Variants in DNAJC10 observed in about 807,000 individuals in gnomAD.
DNAJC10 encodes DnaJ heat shock protein family (Hsp40) member C10.
DNAJC10 carries 101 observed loss-of-function variants against 115.0 expected under a neutral mutation model. The observed-to-expected ratio is 0.88, with a 90% CI of 0.75 to 1.04. DNAJC10 has a LOEUF of 1.04. Among genes scored for constraint, DNAJC10 ranks in the 50% least tolerant of loss-of-function variants. DNAJC10 has a pLI of 0.00. For missense variants in DNAJC10, 981 were observed against 928.8 expected, an observed-to-expected ratio of 1.06 and a Z score of -0.73; for synonymous variants, 307 against 301.5, an observed-to-expected ratio of 1.02 and a Z score of -0.19.
chr2:182,728,985 G>A lies in DNAJC10; in HGVS notation c.624G>A (p.Arg208=), dbSNP rs1006872555. ...GCTATCCCAGCCTCTTCATTTTTCG[G>A]TCTGGAATGGTAAGGGATAAAGTTA... ...VNSYPSLFIF[R]SGMAPVKYHG... The change falls in exon 7 of 24, where the codon CGG becomes CGA. Residue 208 remains arginine (R), a synonymous_variant. Transcript: ENST00000264065. 1.2e-6 allele frequency: 2 copies of A among 1,613,980 alleles called. No individual in the cohort carries two copies. Among genetic ancestry groups the A allele is most frequent in the South Asian group, 2.2e-5 (2 of 91,084 alleles).
Position 182,756,466 on chromosome 2 carries a change from C to T in DNAJC10, c.1806C>T (p.Ala602=). ...QVLMPEWKRM[A]RTLTGLINVG... is the part of the protein sequence containing the mutation. ...TAATGCCAGAATGGAAAAGAATGGC[C>T]CGGGTATAGTAAAAATAGTTTATTT... Residue 602 remains alanine, a synonymous_variant, in exon 18 of 24, where the codon GCC becomes GCT. Coordinates refer to ENST00000264065, the MANE Select transcript of DNAJC10 (RefSeq NM_018981.4). 6.2e-7 allele frequency: 1 copy of T among 1,607,526 alleles called. No homozygotes were observed. The highest frequency in any genetic ancestry group is 8.5e-7 in the Non-Finnish European group (1 of 1,178,088).
Position 182,791,343 on chromosome 2 carries a change from C to T in DNAJC10, c.*14211C>T, listed in dbSNP as rs1023006538. 3 of 152,134 alleles carry T rather than the reference C, an allele frequency of 2.0e-5. No homozygotes were observed. The allele number at this position is 152,134 out of a possible 1,614,324, so 9.4% of individuals were successfully genotyped here. The stretch of plus-strand genomic sequence containing the variant: ...TTAAAAATTAAGAGAGATATGTATT[C>T]AGGTGGCCATTTATACACAATATTT... On this transcript the variant is annotated 3_prime_UTR_variant, in exon 24 of 24. Coordinates refer to ENST00000264065, the MANE Select transcript of DNAJC10 (RefSeq NM_018981.4).
chr2:182,767,888 T>C (rs1278601386), intron 22 of DNAJC10, among the ~76,000 whole-genome samples: 1 of 152,108 alleles, frequency 6.6e-6, no homozygotes, highest in African/African-American at 2.4e-5. Context: ...CCGTATCCTG[T>C]TTTTAGGGTC....
Position 182,787,276 on chromosome 2 carries a change from A to G in DNAJC10, c.*10144A>G, listed in dbSNP as rs750894601. ...CCCCATACTGATTCAGACTCCAGCA[A>G]GGTGCACATCACCCGCTAGTCATTG... On this transcript the variant is annotated 3_prime_UTR_variant, in exon 24 of 24. Transcript: ENST00000264065. 1.3e-5 allele frequency: 2 copies of G among 152,234 alleles called. No homozygotes were observed. Among genetic ancestry groups the G allele is most frequent in the Non-Finnish European group, 2.9e-5 (2 of 68,058 alleles). 9.4% of individuals were successfully genotyped at this position (152,234 alleles called of 1,614,324 possible).
intron 14 of DNAJC10, among the ~76,000 whole-genome samples, chr2:182,751,130 C>CTTTTTTTTTTTTTT (rs773393648): frequency 1.2e-5 from 1 of 85,180 alleles, no homozygotes; most frequent in Non-Finnish European, 2.1e-5. Flanking sequence ...GAGATTTTGA[C>CTTTTTTTTTTTTTT]TTTTTTTTTT....
At position 182,792,956 on chromosome 2, in the gene DNAJC10, G is replaced by A. The variant is rs1339605759; in HGVS notation, c.*15824G>A. ...TGTTAAGTATGTTAGAAGTATGTTA[G>A]AAGATGTGCTGTGAAATAAAGAAAA... On this transcript the variant is annotated 3_prime_UTR_variant, in exon 24 of 24. Coordinates refer to ENST00000264065, the MANE Select transcript of DNAJC10 (RefSeq NM_018981.4). The A allele has an allele frequency of 6.6e-6, 1 of 152,216 alleles. No individual in the cohort carries two copies. The highest frequency in any genetic ancestry group is 1.5e-5 in the Non-Finnish European group (1 of 68,046). 9.4% of individuals were successfully genotyped at this position (152,216 alleles called of 1,614,324 possible). A position where few individuals can be genotyped will look rare whatever the true frequency, so the allele number is the denominator to read the frequency against.
chr2:182,776,937 A>T (rs1694721889), intron 23 of DNAJC10, among the ~76,000 whole-genome samples, 184 bp from the exon 24 acceptor site: 1 of 152,210 alleles, frequency 6.6e-6, no homozygotes, highest in African/African-American at 2.4e-5. Flanking sequence ...GGTAAGAACT[A>T]GGATATTCTT....
At chr2:182,752,257 TA>T in intron 16 of DNAJC10, 69 bp downstream of exon 16, 2 of 704,244 alleles carry the variant, frequency 2.8e-6, no homozygotes, top group Non-Finnish European at 4.4e-6. Context: ...TGTTTATTAT[TA>T]AAACATTAAA....
intron 19 of DNAJC10, among the ~76,000 whole-genome samples, chr2:182,758,497 A>T (rs572181512): frequency 1.4e-3 from 217 of 152,322 alleles, no homozygotes; most frequent in Non-Finnish European, 2.7e-3. Flanking sequence ...GTCTTTAAAA[A>T]TGGGTAGGAA....
rs763055011 is a variant in DNAJC10 at position 182,740,281 on chromosome 2, G to A, written c.988-18G>A. ...AATATTTATTCAAAAAGATTACAAT[G>A]TGATTTTCTTTTTCTAGTTTCTCAA... On this transcript the variant is annotated intron_variant, in intron 11 of 23. Transcript: ENST00000264065. 2.9e-6 allele frequency: 4 copies of A among 1,360,848 alleles called. No homozygotes were observed. Among genetic ancestry groups the A allele is most frequent in the South Asian group, 3.1e-5 (2 of 64,736 alleles). The allele number at this position is 1,360,848 out of a possible 1,614,324, so 84.3% of individuals were successfully genotyped here.
In DNAJC10 at chr2:182,756,449, G is replaced by A; in HGVS notation, c.1789G>A (p.Glu597Lys). 6.2e-7 allele frequency: 1 copy of A among 1,613,530 alleles called. No homozygotes were observed. The highest frequency in any genetic ancestry group is 1.3e-5 in the African/African-American group (1 of 75,006). The change falls in exon 18 of 24, where the codon GAA becomes AAA. Residue 597 changes from glutamate (E) to lysine (K), a missense_variant. Coordinates refer to ENST00000264065, the MANE Select transcript of DNAJC10 (RefSeq NM_018981.4). ...TCATCCTTGCCAAGTCTTAATGCCA[G>A]AATGGAAAAGAATGGCCCGGGTATA... Reference protein sequence around the residue: ...WCHPCQVLMPEWKRMARTLTG... With the variant: ...WCHPCQVLMPKWKRMARTLTG...
chr2:182,760,680 G>A (rs375392585), intron 21 of DNAJC10, among the ~76,000 whole-genome samples: 7 of 152,136 alleles, frequency 4.6e-5, no homozygotes, highest in Admixed American at 1.3e-4. Flanking sequence ...TCCATAACTC[G>A]AGGAACTCTT....
chr2:182,734,304 G>T (rs933217003), intron 10 of DNAJC10, among the ~76,000 whole-genome samples: 1 of 151,164 alleles, frequency 6.6e-6, no homozygotes, highest in Non-Finnish European at 1.5e-5. Flanking sequence ...TTGATTATCA[G>T]TTTAAAATAT....
At chr2:182,763,524 C>A (rs755581043) in intron 22 of DNAJC10, among the ~76,000 whole-genome samples, 1 of 152,056 alleles carries the variant, frequency 6.6e-6, no homozygotes, top group African/African-American at 2.4e-5. Context: ...GAGGTCCAGT[C>A]GTGAGACACC....
At chr2:182,723,853 T>A (rs1178652857) in intron 5 of DNAJC10, among the ~76,000 whole-genome samples, 1 of 152,194 alleles carries the variant, frequency 6.6e-6, no homozygotes, top group African/African-American at 2.4e-5. Context: ...CAAATGGTAG[T>A]TCAAGATAAA....
chr2:182,735,510 CTTAT>C (rs2105634506), intron 10 of DNAJC10, among the ~76,000 whole-genome samples: 1 of 151,926 alleles, frequency 6.6e-6, no homozygotes, highest in South Asian at 2.1e-4. Context: ...TCTTGAGTTT[CTTAT>C]TTATTCTGAT....
At chr2:182,775,164 A>C (rs1694672914) in intron 22 of DNAJC10, 152 bp from the exon 23 acceptor site, 1 of 573,318 alleles carries the variant, frequency 1.7e-6, no homozygotes, top group Non-Finnish European at 3.1e-6. Context: ...CTGCTTTTGC[A>C]GCATTATTTC....
Position 182,757,563 on chromosome 2 carries a change from C to G in DNAJC10, c.1810-129C>G, listed in dbSNP as rs545228296. The stretch of plus-strand genomic sequence containing the variant: ...GGTCTATTATATGTTAAACCCTTAT[C>G]CATTTTTATTGGGTAAAAGTCACTG... On this transcript the variant is annotated intron_variant, in intron 18 of 23. Coordinates refer to ENST00000264065, the MANE Select transcript of DNAJC10 (RefSeq NM_018981.4). The G allele has an allele frequency of 1.0e-4, 64 of 625,824 alleles. No individual in the cohort carries two copies. In the East Asian group the frequency reaches 2.0e-3, roughly 20 times the overall value. 38.8% of individuals were successfully genotyped at this position (625,824 alleles called of 1,614,324 possible).
rs1443009542 is a variant in DNAJC10 at position 182,792,679 on chromosome 2, A to G, written c.*15547A>G. ...AGAGAAGTGTGTGAAGTTAGACTCA[A>G]TTCTTCCGCTAATGGAACATCGTAA... On this transcript the variant is annotated 3_prime_UTR_variant, in exon 24 of 24. Coordinates refer to ENST00000264065, the MANE Select transcript of DNAJC10 (RefSeq NM_018981.4). 8 of 152,206 alleles carry G rather than the reference A, an allele frequency of 5.3e-5. No individual in the cohort carries two copies. The highest frequency in any genetic ancestry group is 1.9e-4 in the East Asian group (1 of 5,190). The allele number at this position is 152,206 out of a possible 1,614,324, so 9.4% of individuals were successfully genotyped here.
Sources: allele counts gnomAD v4.1 joint callset (sites outside exome capture counted in the v4.1 genomes callset), GRCh38; gene constraint gnomAD v4.1.1; transcripts MANE v1.5; gene names NCBI Gene and HGNC (gene_info 2026-07-23, HGNC 2026-07-21).